Variants in PTPN14 observed in about 807,000 individuals in gnomAD.
PTPN14 encodes tyrosine-protein phosphatase non-receptor type 14.
PTPN14 carries 53 observed loss-of-function variants against 126.8 expected under a neutral mutation model. That is an observed-to-expected ratio of 0.42 (90% confidence interval 0.34 to 0.53). The LOEUF (loss-of-function observed/expected upper bound fraction) is 0.53. Ranked by LOEUF, PTPN14 falls within the 20% of genes least tolerant of loss-of-function variation. The pLI, the probability that PTPN14 is intolerant of heterozygous loss-of-function variation, is 0.08. For synonymous variants in PTPN14, 630 were observed against 599.3 expected (o/e 1.05, Z -0.75); for missense variants, 1,257 against 1,552.9 (o/e 0.81, Z 3.20).
intron 1 of PTPN14, among the ~76,000 whole-genome samples, chr1:214,526,002 G>A (rs1186957494): frequency 1.4e-5 from 2 of 142,390 alleles, no homozygotes; most frequent in African/African-American, 5.3e-5. Flanking sequence ...GGCTTGCGCT[G>A]TCACCCAGGC....
intron 1 of PTPN14, chr1:214,530,290 C>A (rs1010369584): frequency 2.0e-5 from 3 of 151,844 alleles, no homozygotes; most frequent in Non-Finnish European, 2.9e-5. Context: ...CAACCCCTAA[C>A]CAAAAAGCTC....
intron 3 of PTPN14, among the ~76,000 whole-genome samples, chr1:214,439,500 T>C (rs956633852): frequency 6.6e-6 from 1 of 152,188 alleles, no homozygotes; most frequent in African/African-American, 2.4e-5. Context: ...TTGCTGGGAT[T>C]TGCTCTGAAT....
At chr1:214,495,659 TTTTTTTTATTTATTTA>T (rs138145224) in intron 1 of PTPN14, among the ~76,000 whole-genome samples, 61,499 of 148,276 alleles carry the variant, frequency 0.41, 13,126 homozygotes, top group Middle Eastern at 0.48. Context: ...TGCTATTTTA[TTTTTTTTATTTATTTA>T]TTTATTTATT....
intron 1 of PTPN14, among the ~76,000 whole-genome samples, chr1:214,522,356 G>C (rs1216387115): frequency 2.0e-5 from 3 of 152,126 alleles, no homozygotes; most frequent in East Asian, 1.9e-4. Context: ...TTTGGAAGTA[G>C]GTACAATCAC....
At chr1:214,550,825 AG>A (rs1023505409) in intron 1 of PTPN14, among the ~76,000 whole-genome samples, 3 of 152,132 alleles carry the variant, frequency 2.0e-5, no homozygotes, top group African/African-American at 7.2e-5. Flanking sequence ...TTCATCCTCT[AG>A]CCCCCAAGGT....
intron 17 of PTPN14, among the ~76,000 whole-genome samples, chr1:214,365,252 C>T (rs551202530): frequency 6.6e-6 from 1 of 152,186 alleles, no homozygotes; most frequent in East Asian, 1.9e-4. Context: ...TGTGAGTAGC[C>T]CAAGATGAAC....
In PTPN14 at chr1:214,372,725, C is replaced by A. The variant is rs141008927; in HGVS notation, c.3022G>T (p.Val1008Phe). 1 of 1,614,084 alleles carries A rather than the reference C, an allele frequency of 6.2e-7. No individual in the cohort carries two copies. Among genetic ancestry groups the A allele is most frequent in the South Asian group, 1.1e-5 (1 of 91,080 alleles). ...ATTCCCCTTACCTCCTCTGCAGTGA[C>A]CATGGCAATCACATTCACTCCCTGC... ...WEQGVNVIAM[V>F]TAEEEGGRTK... The change falls in exon 16 of 19, where the codon GTC (valine) becomes TTC (phenylalanine). Residue 1008 changes from valine to phenylalanine, a missense_variant. This residue lies in a region of PTPN14 where 171 missense variants were observed against 229.8 expected (regional missense o/e 0.74). Transcript: ENST00000366956.
chr1:214,367,504 A>T (rs1014616056), intron 17 of PTPN14, among the ~76,000 whole-genome samples: 1 of 152,186 alleles, frequency 6.6e-6, no homozygotes, highest in Non-Finnish European at 1.5e-5. Context: ...TCCCTCTGTC[A>T]TTCCCCTTTT....
At chr1:214,529,494 C>T (rs1276607539) in intron 1 of PTPN14, 1 of 152,240 alleles carries the variant, frequency 6.6e-6, no homozygotes, top group Non-Finnish European at 1.5e-5. Flanking sequence ...CAAAATAGAG[C>T]GTGCTGCACA....
chr1:214,417,086 C>T (rs915172509), intron 3 of PTPN14, among the ~76,000 whole-genome samples: 1 of 151,742 alleles, frequency 6.6e-6, no homozygotes, highest in African/African-American at 2.4e-5. Context: ...AAGAGATCCT[C>T]TTTGAAAATC....
chr1:214,505,479 C>T (rs1654818182), intron 1 of PTPN14, among the ~76,000 whole-genome samples: 1 of 152,170 alleles, frequency 6.6e-6, no homozygotes, highest in South Asian at 2.1e-4. Flanking sequence ...AGTGCCCACA[C>T]AGTGGTGGAG....
At chr1:214,550,914 G>T (rs1276457703) in intron 1 of PTPN14, among the ~76,000 whole-genome samples, 1 of 152,214 alleles carries the variant, frequency 6.6e-6, no homozygotes, top group African/African-American at 2.4e-5. Flanking sequence ...GGGGACCAGG[G>T]TGTGGGTTTA....
At chr1:214,413,422 T>G (rs1659353157) in intron 4 of PTPN14, among the ~76,000 whole-genome samples, 1 of 152,222 alleles carries the variant, frequency 6.6e-6, no homozygotes, top group South Asian at 2.1e-4. Flanking sequence ...TTGTTAATAC[T>G]TCAGAATGAA....
At chr1:214,428,150 G>A (rs1020209380) in intron 3 of PTPN14, among the ~76,000 whole-genome samples, 1 of 152,178 alleles carries the variant, frequency 6.6e-6, no homozygotes, top group Non-Finnish European at 1.5e-5. Context: ...AAGCGGAAAT[G>A]CCAGTCAGAA....
rs746296272 is a variant in PTPN14, at chr1:214,401,635, C to T, written c.669+50G>A. On this transcript the variant is annotated intron_variant, in intron 7 of 18. Transcript: ENST00000366956. Reference sequence around the variant, plus strand: ...GCTATCAACAATGGTTTTCCAAATGCCAGTACCGGTCTGAGAAGGTTAAAG... The same window carrying T: ...GCTATCAACAATGGTTTTCCAAATGTCAGTACCGGTCTGAGAAGGTTAAAG... 24 of 1,428,366 alleles carry T rather than the reference C, an allele frequency of 1.7e-5. No individual in the cohort carries two copies. In the African/African-American group the frequency reaches 3.5e-4, roughly 21 times the overall value. The allele number at this position is 1,428,366 out of a possible 1,614,324, so 88.5% of individuals were successfully genotyped here. A position where few individuals can be genotyped will look rare whatever the true frequency, so the allele number is the denominator to read the frequency against.
rs141757104 is a variant in PTPN14 at position 214,461,836 on chromosome 1, T to C, written c.174+2794A>G. ...TCCCAAAAAAGACTAAACTTTTTGTTATATCTTAGATTGGTTGTCACCTTC... is the reference window on the plus strand; with the variant it reads ...TCCCAAAAAAGACTAAACTTTTTGTCATATCTTAGATTGGTTGTCACCTTC... On this transcript the variant is annotated intron_variant, in intron 2 of 18. Transcript: ENST00000366956. 4.1e-3 allele frequency among the ~76,000 whole-genome samples: 623 copies of C among 152,244 alleles called. 1 individual carries two copies. Among genetic ancestry groups the C allele is most frequent in the African/African-American group, 0.015 (608 of 41,534 alleles).
intron 1 of PTPN14, among the ~76,000 whole-genome samples, chr1:214,513,881 T>C (rs1325560940): frequency 2.6e-5 from 4 of 152,198 alleles, no homozygotes; most frequent in South Asian, 2.1e-4. Flanking sequence ...ATTCCTGATA[T>C]TTTTATTATT....
At position 214,383,953 on chromosome 1, in the gene PTPN14, G is replaced by C; in HGVS notation, c.1902C>G (p.His634Gln). ...VSEPLTATKH[H>Q]GTVNKRHSLE... ...GGCTGTGGCGCTTGTTCACAGTGCC[G>C]TGGTGCTTGGTGGCCGTGAGGGGCT... is the stretch of plus-strand genomic sequence containing the variant. Residue 634 changes from histidine (H) to glutamine (Q), a missense_variant, in exon 13 of 19, where the codon CAC (histidine) becomes CAG (glutamine). Physicochemically the swap from His to Gln is conservative, Grantham distance 24 (BLOSUM62 0). Around this residue, in one of 3 missense-constraint regions of PTPN14, gnomAD observed 1,021 missense variants for 1,183.3 expected, o/e 0.86. Transcript: ENST00000366956. This position sits in a 1 kb window ranked among gnomAD's most constrained non-coding sequence, Gnocchi z 4.4. 1 of 1,612,660 alleles carries C rather than the reference G, an allele frequency of 6.2e-7. No homozygotes were observed. The highest frequency in any genetic ancestry group is 8.5e-7 in the Non-Finnish European group (1 of 1,180,012).
At chr1:214,387,491 A>G (rs1258913927) in intron 11 of PTPN14, among the ~76,000 whole-genome samples, 3 of 152,124 alleles carry the variant, frequency 2.0e-5, no homozygotes, top group Non-Finnish European at 4.4e-5. Flanking sequence ...AGGTTGGGCA[A>G]CAGATTGAGA....
Sources: gnomAD v4.1 joint callset for allele counts (sites outside exome capture counted in the v4.1 genomes callset) on GRCh38, gnomAD v4.1.1 for gene constraint, gnomAD v4.1.1 regional missense constraint, Gnocchi (gnomAD v3.1) non-coding constraint, MANE v1.5 for transcripts, NCBI Gene and HGNC (gene_info 2026-07-23, HGNC 2026-07-21) for gene names.